Variants in ATP9B observed in about 807,000 individuals in gnomAD.
ATP9B encodes ATPase phospholipid transporting 9B, also known as probable phospholipid-transporting ATPase IIB.
A neutral mutation model predicts 146.1 loss-of-function variants in ATP9B; 110 were observed. The observed-to-expected ratio is 0.75, with a 90% CI of 0.65 to 0.88. The LOEUF (loss-of-function observed/expected upper bound fraction) is 0.88. Ranked by LOEUF, ATP9B falls within the 40% of genes least tolerant of loss-of-function variation. The pLI, the probability that ATP9B is intolerant of heterozygous loss-of-function variation, is 0.00. For synonymous variants in ATP9B, 604 were observed against 569.7 expected (o/e 1.06, Z -0.86); for missense variants, 1,499 against 1,496.4 (o/e 1.00, Z -0.03).
intron 15 of ATP9B, among the ~76,000 whole-genome samples, chr18:79,313,908 G>C (rs1393733251): frequency 1.3e-5 from 2 of 152,140 alleles, no homozygotes; most frequent in Non-Finnish European, 2.9e-5. Flanking sequence ...AATTTTTAAA[G>C]AGCTCTATTG....
chr18:79,170,563 A>T (rs941130545), intron 7 of ATP9B, among the ~76,000 whole-genome samples: 1 of 152,192 alleles, frequency 6.6e-6, no homozygotes, highest in African/African-American at 2.4e-5. Flanking sequence ...TATGATTTTT[A>T]TGCCATTCTG....
chr18:79,336,905 A>AG (rs1398446311), intron 18 of ATP9B, among the ~76,000 whole-genome samples, 194 bp downstream of exon 18: 1 of 152,230 alleles, frequency 6.6e-6, no homozygotes, highest in Non-Finnish European at 1.5e-5. Context: ...TTGCTGGGGA[A>AG]GGAGGGTTAC....
At chr18:79,185,106 A>G (rs1366229547) in intron 8 of ATP9B, among the ~76,000 whole-genome samples, 1 of 152,170 alleles carries the variant, frequency 6.6e-6, no homozygotes, top group Non-Finnish European at 1.5e-5. Flanking sequence ...GGCGGGTTGC[A>G]TGGGGGCACG....
At chr18:79,159,970 G>A (rs775602416) in intron 7 of ATP9B, among the ~76,000 whole-genome samples, 7 of 152,090 alleles carry the variant, frequency 4.6e-5, no homozygotes, top group African/African-American at 9.7e-5. Flanking sequence ...AGGTTCCATC[G>A]ATCTCTGCCT....
intron 25 of ATP9B, among the ~76,000 whole-genome samples, chr18:79,351,973 A>G (rs907697780): frequency 2.6e-5 from 4 of 152,116 alleles, no homozygotes; most frequent in African/African-American, 4.8e-5. Flanking sequence ...TCCTAGGCCA[A>G]GTCCTCATGG....
chr18:79,098,046 G>A (rs1028943564), intron 2 of ATP9B, among the ~76,000 whole-genome samples: 29 of 152,006 alleles, frequency 1.9e-4, no homozygotes, highest in African/African-American at 6.8e-4. Flanking sequence ...CAGAGATATA[G>A]ATCAATGGAA....
intron 11 of ATP9B, among the ~76,000 whole-genome samples, chr18:79,233,240 C>T (rs1287530381): frequency 2.6e-5 from 4 of 151,638 alleles, no homozygotes; most frequent in South Asian, 2.1e-4. Context: ...TTCAGTGAGC[C>T]GAGATCATGC....
At chr18:79,339,289 T>TAGGAAGTGTGTCATGATCAC (rs1568745957) in intron 19 of ATP9B, among the ~76,000 whole-genome samples, 729 of 6,650 alleles carry the variant, frequency 0.11, 9 homozygotes, top group African/African-American at 0.28. Flanking sequence ...GTCATGATCG[T>TAGGAAGTGTGTCATGATCAC]AGTAGGAAGT....
intron 28 of ATP9B, chr18:79,374,303 G>A: frequency 1.7e-6 from 1 of 573,212 alleles, no homozygotes; most frequent in Non-Finnish European, 3.1e-6. Flanking sequence ...CCCCTGACAG[G>A]AGGCGCTGAG....
intron 12 of ATP9B, among the ~76,000 whole-genome samples, chr18:79,263,812 C>T (rs145567751): frequency 1.3e-5 from 2 of 152,308 alleles, no homozygotes; most frequent in African/African-American, 4.8e-5. Context: ...AGGCCGGGCG[C>T]GTTGGCTCAC....
intron 13 of ATP9B, among the ~76,000 whole-genome samples, chr18:79,291,109 C>T (rs1300818643): frequency 6.6e-6 from 1 of 152,124 alleles, no homozygotes; most frequent in Non-Finnish European, 1.5e-5. Flanking sequence ...AATTAATTTC[C>T]TCTTTGCCTG....
At chr18:79,189,236 A>G (rs536423646) in intron 8 of ATP9B, among the ~76,000 whole-genome samples, 4 of 152,226 alleles carry the variant, frequency 2.6e-5, no homozygotes, top group East Asian at 3.9e-4. Flanking sequence ...AATCCCAGCT[A>G]TTCAGGAGAC....
intron 29 of ATP9B, chr18:79,376,120 C>T: frequency 6.1e-6 from 6 of 981,170 alleles, no homozygotes; most frequent in Non-Finnish European, 7.2e-6. Context: ...GATGGAACTG[C>T]CAGCTGCCCT....
At chr18:79,161,818 C>G (rs1448345371) in intron 7 of ATP9B, among the ~76,000 whole-genome samples, 6 of 152,156 alleles carry the variant, frequency 3.9e-5, no homozygotes, top group African/African-American at 1.4e-4. Flanking sequence ...TGCACTCCAG[C>G]CTGGGTGACA....
intron 5 of ATP9B, 147 bp from the exon 6 acceptor site, chr18:79,143,655 A>G (rs1444246281): frequency 8.8e-6 from 4 of 453,824 alleles, no homozygotes; most frequent in African/African-American, 6.1e-5. Flanking sequence ...GTTAATTATT[A>G]GTGACTGTCT....
At chr18:79,291,034 G>A (rs540787898) in intron 13 of ATP9B, among the ~76,000 whole-genome samples, 124 of 152,246 alleles carry the variant, frequency 8.1e-4, no homozygotes, top group Non-Finnish European at 1.5e-3. Flanking sequence ...CTGTCTACTC[G>A]GCTCAGTCAT....
At chr18:79,133,850 G>A (rs897669602) in intron 5 of ATP9B, among the ~76,000 whole-genome samples, 1 of 152,194 alleles carries the variant, frequency 6.6e-6, no homozygotes, top group African/African-American at 2.4e-5. Flanking sequence ...CCTTAGCTGG[G>A]CCTGGCTGAT....
At chr18:79,181,600 C>CT (rs146963940) in intron 8 of ATP9B, among the ~76,000 whole-genome samples, 4,891 of 151,908 alleles carry the variant, frequency 0.032, 117 homozygotes, top group Non-Finnish European at 0.042. Flanking sequence ...TTTTCTCAGC[C>CT]TTTTTTTTCC....
At chr18:79,364,800 G>A (rs766672475) in intron 26 of ATP9B, among the ~76,000 whole-genome samples, 35 of 152,196 alleles carry the variant, frequency 2.3e-4, no homozygotes, top group Non-Finnish European at 3.7e-4. Context: ...GAAGCAGGAG[G>A]ATAACTTGAG....
Sources: allele counts gnomAD v4.1 joint callset (sites outside exome capture counted in the v4.1 genomes callset), GRCh38; gene constraint gnomAD v4.1.1; transcripts MANE v1.5; gene names NCBI Gene and HGNC (gene_info 2026-07-23, HGNC 2026-07-21).